Variants in NSMCE2 observed in about 807,000 individuals in gnomAD.
NSMCE2 encodes NSE2 SUMO ligase component of SMC5/6 complex.
In NSMCE2, 24 loss-of-function variants were observed where a neutral mutation model predicts 23.8. That is an observed-to-expected ratio of 1.01 (90% CI 0.73 to 1.42). The LOEUF (loss-of-function observed/expected upper bound fraction) is 1.42, where lower values mean the gene tolerates loss of function less well. Among genes scored for constraint, NSMCE2 ranks in the 40% most tolerant of loss-of-function variants. NSMCE2 has a pLI of 0.00. For synonymous variants in NSMCE2, 92 were observed against 94.1 expected (o/e 0.98, Z 0.13); for missense variants, 284 against 296.5 (o/e 0.96, Z 0.31).
At chr8:125,239,257 A>G (rs1447910139) in intron 5 of NSMCE2, among the ~76,000 whole-genome samples, 1 of 152,202 alleles carries the variant, frequency 6.6e-6, no homozygotes, top group African/African-American at 2.4e-5. Flanking sequence ...AGAAACTCAC[A>G]GTATTTGATA....
At position 125,299,804 on chromosome 8, in the gene NSMCE2, CTTTTTTTTTTTT is replaced by C. The variant is rs58789139; in HGVS notation, c.419-57399_419-57388del. Among the ~76,000 whole-genome samples the C allele has an allele frequency of 5.3e-4, 37 of 70,266 alleles. No homozygotes were observed. The East Asian group carries it at 7.3e-3, about 14-fold the overall frequency. The allele number at this position is 70,266 out of a possible 152,430, so 46.1% of individuals were successfully genotyped here. On this transcript the variant is annotated intron_variant, in intron 5 of 7. Coordinates refer to ENST00000287437, the MANE Select transcript of NSMCE2 (RefSeq NM_173685.4). ...ACCTTGACCTCATAATTTTGGCTTT[CTTTTTTTTTTTT>C]TTTTTTTTTTTTTTTGTCTTGAGAC... is the stretch of plus-strand genomic sequence containing the variant.
At chr8:125,253,385 T>G (rs1826273906) in intron 5 of NSMCE2, among the ~76,000 whole-genome samples, 1 of 152,216 alleles carries the variant, frequency 6.6e-6, no homozygotes, top group African/African-American at 2.4e-5. Context: ...GGCTTTCTTT[T>G]CGCCCTGAGC....
At chr8:125,250,124 G>T (rs970287402) in intron 5 of NSMCE2, among the ~76,000 whole-genome samples, 3 of 152,100 alleles carry the variant, frequency 2.0e-5, no homozygotes, top group African/African-American at 7.2e-5. Flanking sequence ...CAAGTAGCTG[G>T]TACTACAGTC....
chr8:125,276,827 T>G (rs1036304217), intron 5 of NSMCE2, among the ~76,000 whole-genome samples: 6 of 152,206 alleles, frequency 3.9e-5, no homozygotes, highest in Admixed American at 6.5e-5. Flanking sequence ...GAGCTTCCTG[T>G]TTTTCACTGA....
intron 5 of NSMCE2, among the ~76,000 whole-genome samples, chr8:125,340,219 C>G (rs1431737583): frequency 6.6e-6 from 1 of 151,912 alleles, no homozygotes. Context: ...GGGGTTTCAC[C>G]GTGTTAGCCT....
chr8:125,175,767 GAC>G (rs1434866983), intron 4 of NSMCE2, among the ~76,000 whole-genome samples: 1 of 152,206 alleles, frequency 6.6e-6, no homozygotes, highest in Admixed American at 6.5e-5. Context: ...GCAATAAAAT[GAC>G]ACACTTTAAG....
chr8:125,259,319 G>A (rs944593733), intron 5 of NSMCE2, among the ~76,000 whole-genome samples: 1 of 152,120 alleles, frequency 6.6e-6, no homozygotes, highest in Admixed American at 6.5e-5. Flanking sequence ...TTAGGAACTG[G>A]GCCGCACAGC....
At chr8:125,185,128 T>G (rs1158596996) in intron 5 of NSMCE2, among the ~76,000 whole-genome samples, 1 of 152,028 alleles carries the variant, frequency 6.6e-6, no homozygotes, top group Non-Finnish European at 1.5e-5. Context: ...CTAGGAATCT[T>G]TTAGGTGGGG....
rs189872053 is a variant in NSMCE2 at position 125,260,439 on chromosome 8, C to T, written c.418+78183C>T. ...GATTCACTGGGGCTATATCTCTATA[C>T]TTTCGTGTGTGGTAGTTGCTTTCCC... On this transcript the variant is annotated intron_variant, in intron 5 of 7. Transcript: ENST00000287437. 3.0e-3 allele frequency among the ~76,000 whole-genome samples: 448 copies of T among 151,774 alleles called. 4 individuals are homozygous for T. Among genetic ancestry groups the T allele is most frequent in the Middle Eastern group, 3.4e-3 (1 of 294 alleles).
intron 5 of NSMCE2, among the ~76,000 whole-genome samples, chr8:125,345,953 C>T (rs888533083): frequency 1.3e-5 from 2 of 152,098 alleles, no homozygotes. Context: ...GGCAGGAATT[C>T]GAGACCAGCC....
rs558492453 is a variant in NSMCE2, at chr8:125,109,215, C to T, written c.157+6728C>T. ...CAGTGCCCTCTCTTATCTTTGTGAC[C>T]TTGGGCAAATTCTCTACCCTCCAAT... On this transcript the variant is annotated intron_variant, in intron 3 of 7. Transcript: ENST00000287437. Among the ~76,000 whole-genome samples the T allele has an allele frequency of 5.9e-5, 9 of 152,220 alleles. No individual in the cohort carries two copies. In the South Asian group the frequency reaches 1.7e-3, roughly 28 times the overall value.
chr8:125,217,335 T>TTTTATTTATTTA (rs1300941206), intron 5 of NSMCE2, among the ~76,000 whole-genome samples: 1 of 151,364 alleles, frequency 6.6e-6, no homozygotes, highest in Admixed American at 6.6e-5. Flanking sequence ...TTTTAAAAAA[T>TTTTATTTATTTA]TTTATTTATT....
chr8:125,314,553 G>A (rs905785673), intron 5 of NSMCE2, among the ~76,000 whole-genome samples: 2 of 152,200 alleles, frequency 1.3e-5, no homozygotes, highest in African/African-American at 4.8e-5. Flanking sequence ...GCCTCCCAAA[G>A]TGCTGGGATT....
chr8:125,337,060 A>G (rs182314477), intron 5 of NSMCE2, among the ~76,000 whole-genome samples: 1 of 152,378 alleles, frequency 6.6e-6, no homozygotes, highest in African/African-American at 2.4e-5. Flanking sequence ...ATGAATTGCA[A>G]CTAATGGTAG....
chr8:125,250,674 G>A (rs1826167967), intron 5 of NSMCE2, among the ~76,000 whole-genome samples: 1 of 152,020 alleles, frequency 6.6e-6, no homozygotes, highest in African/African-American at 2.4e-5. Context: ...TTTAAGAGAT[G>A]GAATCTTGTT....
chr8:125,138,903 G>A (rs1820209389), intron 3 of NSMCE2, among the ~76,000 whole-genome samples: 1 of 152,088 alleles, frequency 6.6e-6, no homozygotes, highest in Non-Finnish European at 1.5e-5. Context: ...ATATTGAGGT[G>A]GAAGTAGTTA....
intron 3 of NSMCE2, among the ~76,000 whole-genome samples, chr8:125,138,371 G>A (rs1281455683): frequency 6.6e-6 from 1 of 152,042 alleles, no homozygotes; most frequent in Non-Finnish European, 1.5e-5. Context: ...CTTTACAGGT[G>A]CATGCTACTG....
intron 7 of NSMCE2, among the ~76,000 whole-genome samples, chr8:125,366,472 G>A (rs1391069794): frequency 3.3e-5 from 5 of 152,052 alleles, no homozygotes; most frequent in Admixed American, 1.3e-4. Context: ...CCCGGGAGGC[G>A]GAGCTTGCAG....
Position 125,126,247 on chromosome 8 carries a change from G to C in NSMCE2, c.157+23760G>C, listed in dbSNP as rs563270132. On this transcript the variant is annotated intron_variant, in intron 3 of 7. Coordinates refer to ENST00000287437, the MANE Select transcript of NSMCE2 (RefSeq NM_173685.4). ...AAAAATACAGAAATTAAGCTGGCAT[G>C]GTGGTGGGTGCCTACTAAGGAGGCC... Among the ~76,000 whole-genome samples the C allele has an allele frequency of 1.1e-4, 17 of 152,058 alleles. No individual in the cohort carries two copies. In the East Asian group the frequency reaches 2.9e-3, roughly 26 times the overall value.
Sources: gnomAD v4.1 joint callset for allele counts (sites outside exome capture counted in the v4.1 genomes callset) on GRCh38, gnomAD v4.1.1 for gene constraint, MANE v1.5 for transcripts, NCBI Gene and HGNC (gene_info 2026-07-23, HGNC 2026-07-21) for gene names.